STK38: variants seen among roughly 807,000 people sequenced by gnomAD.
STK38 encodes the protein serine/threonine kinase 38.
In STK38, 26 loss-of-function variants were observed where a neutral mutation model predicts 59.0. The ratio of observed to expected loss-of-function variants is 0.44; its 90% confidence interval spans 0.32 to 0.61. The LOEUF is 0.61. Ranked by LOEUF, STK38 falls within the 20% of genes least tolerant of loss-of-function variation. The pLI, the probability that STK38 is intolerant of heterozygous loss-of-function variation, is 0.04. For missense variants in STK38, 433 were observed against 566.0 expected (o/e 0.76, Z 2.38); for synonymous variants, 175 against 176.6 (o/e 0.99, Z 0.07).
chr6:36,535,384 G>A (rs1427669517), intron 2 of STK38, among the ~76,000 whole-genome samples: 2 of 151,532 alleles, frequency 1.3e-5, no homozygotes, highest in Non-Finnish European at 2.9e-5. Context: ...GGGAGGCGGA[G>A]GTTGTAGTGA....
chr6:36,504,898 C>CAAA (rs562032331), intron 9 of STK38, among the ~76,000 whole-genome samples: 97 of 63,972 alleles, frequency 1.5e-3, no homozygotes, highest in Middle Eastern at 0.013. Flanking sequence ...TCCTGGCCTC[C>CAAA]AAAAAAAAAA....
rs377722184 is a variant in STK38 at position 36,506,516 on chromosome 6, T to C, written c.834+67A>G. On this transcript the variant is annotated intron_variant, in intron 9 of 13. Transcript: ENST00000229812. ...CAAATATTTGTCAAATGCAAATTTA[T>C]GTGAAAATCTTTTGAACTTATTCAT... 1.5e-5 allele frequency: 23 copies of C among 1,523,794 alleles called. No homozygotes were observed. In the African/African-American group the frequency reaches 2.6e-4, roughly 17 times the overall value. The allele number at this position is 1,523,794 out of a possible 1,614,324, so 94.4% of individuals were successfully genotyped here. A position where few individuals can be genotyped will look rare whatever the true frequency, so the allele number is the denominator to read the frequency against.
intron 2 of STK38, among the ~76,000 whole-genome samples, chr6:36,533,065 C>CCA (rs1777705664): frequency 2.0e-5 from 1 of 50,360 alleles, no homozygotes; most frequent in African/African-American, 7.0e-5. Context: ...GACTCCATCT[C>CCA]AAAAAAAAAA....
chr6:36,527,207 A>AATATATATATATATATATATAT (rs1554168829), intron 2 of STK38, among the ~76,000 whole-genome samples: 3 of 119,350 alleles, frequency 2.5e-5, no homozygotes, highest in East Asian at 4.9e-4. Flanking sequence ...AAAAAAAAAA[A>AATATATATATATATATATATAT]ATATATGTAT....
chr6:36,543,103 C>G (rs376520785), intron 1 of STK38, among the ~76,000 whole-genome samples: 11 of 151,178 alleles, frequency 7.3e-5, no homozygotes, highest in African/African-American at 2.2e-4. Context: ...CTCGCTCTGT[C>G]GCCCAGGCTG....
intron 7 of STK38, among the ~76,000 whole-genome samples, chr6:36,514,355 A>G (rs1453128257): frequency 6.6e-6 from 1 of 152,016 alleles, no homozygotes; most frequent in Non-Finnish European, 1.5e-5. Flanking sequence ...ACAGCAAAGC[A>G]AAAAAGTCAC....
At chr6:36,527,357 A>G (rs994616992) in intron 2 of STK38, among the ~76,000 whole-genome samples, 1 of 141,636 alleles carries the variant, frequency 7.1e-6, no homozygotes, top group African/African-American at 2.8e-5. Flanking sequence ...ATATATGTAT[A>G]TATATTAGTA....
chr6:36,546,729 G>T (rs1038683052), intron 1 of STK38, among the ~76,000 whole-genome samples: 1 of 152,096 alleles, frequency 6.6e-6, no homozygotes, highest in Non-Finnish European at 1.5e-5. Context: ...TAAGACTAAC[G>T]GAGAAAGGAG....
At chr6:36,500,834 T>C (rs1776821440) in intron 9 of STK38, among the ~76,000 whole-genome samples, 1 of 152,054 alleles carries the variant, frequency 6.6e-6, no homozygotes, top group Non-Finnish European at 1.5e-5. Flanking sequence ...TACACATTCT[T>C]TGATTTGACA....
intron 7 of STK38, among the ~76,000 whole-genome samples, chr6:36,509,952 G>A (rs372107774): frequency 3.0e-4 from 45 of 152,332 alleles, no homozygotes; most frequent in East Asian, 1.3e-3. Context: ...GGTTTCAAAA[G>A]AGAGAAAGTA....
At chr6:36,504,925 AAG>A (rs1003320956) in intron 9 of STK38, among the ~76,000 whole-genome samples, 20 of 149,886 alleles carry the variant, frequency 1.3e-4, no homozygotes, top group Non-Finnish European at 2.8e-4. Context: ...AAAAAAAAGA[AAG>A]AAAGAAAAGA....
intron 6 of STK38, among the ~76,000 whole-genome samples, chr6:36,516,735 G>A (rs1182291489): frequency 2.0e-5 from 3 of 152,122 alleles, no homozygotes; most frequent in African/African-American, 4.8e-5. Context: ...ATGGGGCCTC[G>A]CCTGTGCAAG....
At chr6:36,526,239 T>C (rs561481761) in intron 2 of STK38, among the ~76,000 whole-genome samples, 38 of 139,642 alleles carry the variant, frequency 2.7e-4, no homozygotes, top group Admixed American at 4.5e-4. Context: ...TTTTTTTTTT[T>C]CCAGTTATTT....
chr6:36,495,215 C>T lies in STK38; in HGVS notation c.*569G>A, dbSNP rs1221857222. 6.5e-6 allele frequency: 1 copy of T among 153,548 alleles called. No individual in the cohort carries two copies. The highest frequency in any genetic ancestry group is 1.5e-5 in the Non-Finnish European group (1 of 68,744). 9.5% of individuals were successfully genotyped at this position (153,548 alleles called of 1,614,324 possible). A position where few individuals can be genotyped will look rare whatever the true frequency, so the allele number is the denominator to read the frequency against. Reference sequence around the variant, plus strand: ...AAATAAAGTGCACCATGAATGGAGGCTATAAGCCACTCGCCTGAGGCTGAG... The same window carrying T: ...AAATAAAGTGCACCATGAATGGAGGTTATAAGCCACTCGCCTGAGGCTGAG... On this transcript the variant is annotated 3_prime_UTR_variant, in exon 14 of 14. Coordinates refer to ENST00000229812, the MANE Select transcript of STK38 (RefSeq NM_007271.4).
chr6:36,525,261 T>G (rs966604927), intron 3 of STK38, among the ~76,000 whole-genome samples: 2 of 152,178 alleles, frequency 1.3e-5, no homozygotes, highest in African/African-American at 4.8e-5. Context: ...TTTCAAAAAT[T>G]TGCCCTACTC....
At chr6:36,525,813 C>T (rs187793252) in intron 2 of STK38, among the ~76,000 whole-genome samples, 171 bp from the exon 3 acceptor site, 11 of 151,838 alleles carry the variant, frequency 7.2e-5, no homozygotes, top group Admixed American at 6.6e-4. Context: ...AAAAGATTTC[C>T]ATCCTTTGTT....
chr6:36,506,871 C>T (rs1776975531), intron 8 of STK38, among the ~76,000 whole-genome samples: 1 of 152,134 alleles, frequency 6.6e-6, no homozygotes, highest in African/African-American at 2.4e-5. Context: ...AAGGCACTCC[C>T]ATGTGGATCA....
chr6:36,506,456 CTCTTTAGGTAA>C (rs1776964326), intron 9 of STK38, 116 bp downstream of exon 9: 1 of 938,046 alleles, frequency 1.1e-6, no homozygotes, highest in African/African-American at 1.7e-5. Context: ...CAACAGCACT[CTCTTTAGGTAA>C]TCTTAAAAGC....
intron 6 of STK38, among the ~76,000 whole-genome samples, chr6:36,517,201 T>G (rs1777277362): frequency 6.6e-6 from 1 of 152,174 alleles, no homozygotes; most frequent in Admixed American, 6.5e-5. Context: ...TGTTCTGTTC[T>G]GGGTTTACTT....
Sources: allele counts gnomAD v4.1 joint callset (sites outside exome capture counted in the v4.1 genomes callset), GRCh38; gene constraint gnomAD v4.1.1; transcripts MANE v1.5; gene names NCBI Gene and HGNC (gene_info 2026-07-23, HGNC 2026-07-21).